Variants in MAGI2 observed in about 807,000 individuals in gnomAD.
MAGI2 encodes membrane-associated guanylate kinase, WW and PDZ domain-containing protein 2.
Under a neutral mutation model 133.3 loss-of-function variants are expected in MAGI2, and 35 were observed. That is an observed-to-expected ratio of 0.26 (90% CI 0.20 to 0.35). The LOEUF (loss-of-function observed/expected upper bound fraction) is 0.35. MAGI2 is among the 10% of genes least tolerant of loss of function. The pLI is 1.00. For synonymous variants in MAGI2, 729 were observed against 710.6 expected (o/e 1.03, Z -0.41); for missense variants, 1,636 against 1,863.4 (o/e 0.88, Z 2.25).
At chr7:78,226,093 C>G (rs6961674) in intron 10 of MAGI2, among the ~76,000 whole-genome samples, 22,221 of 152,048 alleles carry the variant, frequency 0.15, 2,036 homozygotes, top group East Asian at 0.32. Flanking sequence ...ATTGATTCAA[C>G]TGATATAAAA....
At chr7:78,972,448 T>C (rs1336816308) in intron 2 of MAGI2, among the ~76,000 whole-genome samples, 2 of 152,026 alleles carry the variant, frequency 1.3e-5, no homozygotes, top group East Asian at 3.9e-4. Context: ...TGGCACTTTC[T>C]GGTATGTTCT....
intron 10 of MAGI2, among the ~76,000 whole-genome samples, chr7:78,238,123 G>A (rs1790744953): frequency 6.6e-6 from 1 of 151,930 alleles, no homozygotes; most frequent in South Asian, 2.1e-4. Flanking sequence ...GCCTTTTGCT[G>A]GTCACTCTTC....
At chr7:78,757,332 A>G (rs1824058769) in intron 2 of MAGI2, among the ~76,000 whole-genome samples, 2 of 138,902 alleles carry the variant, frequency 1.4e-5, no homozygotes, top group African/African-American at 5.1e-5. Flanking sequence ...TCTCTCCATA[A>G]TCATCAATTT....
At chr7:79,397,166 T>G (rs1245516367) in intron 1 of MAGI2, among the ~76,000 whole-genome samples, 2 of 149,198 alleles carry the variant, frequency 1.3e-5, no homozygotes, top group African/African-American at 4.9e-5. Flanking sequence ...TTATTATTTA[T>G]ATTATATATA....
intron 2 of MAGI2, among the ~76,000 whole-genome samples, chr7:78,752,528 G>A (rs978969981): frequency 7.2e-5 from 11 of 152,272 alleles, no homozygotes; most frequent in East Asian, 1.9e-4. Flanking sequence ...GCTTGAACCC[G>A]GGAGGCAGAG....
At chr7:78,405,274 A>G (rs1293737059) in intron 6 of MAGI2, among the ~76,000 whole-genome samples, 1 of 152,122 alleles carries the variant, frequency 6.6e-6, no homozygotes, top group Non-Finnish European at 1.5e-5. Context: ...AAATAATTTC[A>G]TTCTGAAAGA....
chr7:78,698,497 C>T (rs922238704), intron 2 of MAGI2, among the ~76,000 whole-genome samples: 3 of 152,162 alleles, frequency 2.0e-5, no homozygotes, highest in Non-Finnish European at 2.9e-5. Context: ...GTATTTATGG[C>T]ATGTCATGTT....
chr7:78,822,930 T>C (rs926661596), intron 2 of MAGI2, among the ~76,000 whole-genome samples: 7 of 152,198 alleles, frequency 4.6e-5, no homozygotes, highest in African/African-American at 1.4e-4. Flanking sequence ...CAATAAACTA[T>C]GGGCATTACT....
chr7:78,892,050 T>C (rs977294499), intron 2 of MAGI2, among the ~76,000 whole-genome samples: 22 of 152,146 alleles, frequency 1.4e-4, no homozygotes, highest in African/African-American at 4.6e-4. Flanking sequence ...ACAAAATCAA[T>C]GTGCAAAAAT....
intron 16 of MAGI2, among the ~76,000 whole-genome samples, chr7:78,136,121 T>TCC (rs1822097002): frequency 1.0e-4 from 2 of 19,606 alleles, no homozygotes; most frequent in Non-Finnish European, 2.6e-4. Context: ...TCTTTCTTCT[T>TCC]TTTTTTTTTT....
intron 21 of MAGI2, among the ~76,000 whole-genome samples, chr7:78,069,565 AGAGAGAG>A (rs1814258244): frequency 6.6e-6 from 1 of 151,362 alleles, no homozygotes; most frequent in Non-Finnish European, 1.5e-5. Context: ...AGAGAGAGAG[AGAGAGAG>A]GCTTCTGATT....
In MAGI2 at chr7:78,019,444, C is replaced by T; in HGVS notation, c.4239G>A (p.Arg1413=). The change falls in exon 22 of 22, where the codon CGG becomes CGA. Residue 1413 remains arginine, a synonymous_variant. Coordinates refer to ENST00000354212, the MANE Select transcript of MAGI2 (RefSeq NM_012301.4). ...EGRAGARAGP[R]PGPRPPGGAP... ...CGCCCCCCGGGGGTCGCGGGCCCGG[C>T]CGGGGACCCGCGCGCGCACCCGCCC... 1.0e-6 allele frequency: 1 copy of T among 987,686 alleles called. No individual in the cohort carries two copies. The allele number at this position is 987,686 out of a possible 1,614,324, so 61.2% of individuals were successfully genotyped here.
chr7:79,267,461 C>T (rs1563062402), intron 1 of MAGI2, among the ~76,000 whole-genome samples: 1 of 152,130 alleles, frequency 6.6e-6, no homozygotes, highest in Non-Finnish European at 1.5e-5. Context: ...AGTGGGCTGA[C>T]TAGAAAGAGA....
intron 3 of MAGI2, among the ~76,000 whole-genome samples, chr7:78,576,924 C>T (rs1202016179): frequency 6.6e-6 from 1 of 152,062 alleles, no homozygotes; most frequent in Non-Finnish European, 1.5e-5. Flanking sequence ...TATAGTTAAG[C>T]CCTGTCTCTA....
At chr7:78,663,525 G>A (rs1450143766) in intron 2 of MAGI2, among the ~76,000 whole-genome samples, 1 of 151,976 alleles carries the variant, frequency 6.6e-6, no homozygotes, top group African/African-American at 2.4e-5. Flanking sequence ...ACTCTTTCTG[G>A]CTTTGAACAA....
chr7:78,177,418 GCA>G (rs3972360), intron 14 of MAGI2, among the ~76,000 whole-genome samples: 52,716 of 120,020 alleles, frequency 0.44, 10,607 homozygotes, highest in East Asian at 0.63. Context: ...GTGAATACGC[GCA>G]CACACACACA....
intron 2 of MAGI2, among the ~76,000 whole-genome samples, chr7:78,817,592 G>A (rs1230016835): frequency 6.6e-6 from 1 of 152,194 alleles, no homozygotes. Flanking sequence ...TTGGCAACCA[G>A]ATTATGACTC....
chr7:78,942,579 T>C (rs1801076392), intron 2 of MAGI2, among the ~76,000 whole-genome samples: 1 of 152,110 alleles, frequency 6.6e-6, no homozygotes. Flanking sequence ...ATCAGGAAGT[T>C]GTGTTGTAAG....
chr7:78,046,228 T>C (rs1811403188), intron 21 of MAGI2, among the ~76,000 whole-genome samples: 1 of 138,938 alleles, frequency 7.2e-6, no homozygotes, highest in African/African-American at 2.7e-5. Context: ...AAACCCTGTC[T>C]CTACTAAAAA....
Sources: allele counts gnomAD v4.1 joint callset (sites outside exome capture counted in the v4.1 genomes callset), GRCh38; gene constraint gnomAD v4.1.1; transcripts MANE v1.5; gene names NCBI Gene and HGNC (gene_info 2026-07-23, HGNC 2026-07-21).